Variants in CCDC91 observed in about 807,000 individuals in gnomAD.
CCDC91 encodes the protein coiled-coil domain-containing protein 91.
A neutral mutation model predicts 63.2 loss-of-function variants in CCDC91; 48 were observed. That is an observed-to-expected ratio of 0.76 (90% CI 0.60 to 0.97). The LOEUF (loss-of-function observed/expected upper bound fraction) is 0.97, where lower values mean the gene tolerates loss of function less well. Among genes scored for constraint, CCDC91 ranks in the 50% least tolerant of loss-of-function variants. The probability of loss-of-function intolerance (pLI) is 0.00; values close to 1 mark genes in which losing one functional copy is unlikely to be tolerated. For synonymous variants in CCDC91, 167 were observed against 165.8 expected, an observed-to-expected ratio of 1.01 and a Z score of -0.06; for missense variants, 500 against 494.6, an observed-to-expected ratio of 1.01 and a Z score of -0.10.
At chr12:28,538,441 A>G (rs1395535817) in intron 12 of CCDC91, among the ~76,000 whole-genome samples, 3 of 151,736 alleles carry the variant, frequency 2.0e-5, no homozygotes, top group African/African-American at 7.3e-5. Context: ...TGAACTCATC[A>G]TTTTTTATGG....
chr12:28,247,897 A>G (rs1277140262), intron 1 of CCDC91, among the ~76,000 whole-genome samples: 2 of 152,136 alleles, frequency 1.3e-5, no homozygotes, highest in Non-Finnish European at 2.9e-5. Context: ...GATCCCTCAT[A>G]TGCACAGTTC....
intron 11 of CCDC91, among the ~76,000 whole-genome samples, chr12:28,474,502 GGTCTACATAAATGGT>G (rs1267583920): frequency 6.6e-6 from 1 of 151,886 alleles, no homozygotes; most frequent in Non-Finnish European, 1.5e-5. Context: ...GCTGATCCCA[GGTCTACATAAATGGT>G]TGTATTTTAA....
chr12:28,433,511 T>C (rs1306832531), intron 8 of CCDC91, among the ~76,000 whole-genome samples: 1 of 152,006 alleles, frequency 6.6e-6, no homozygotes, highest in African/African-American at 2.4e-5. Context: ...ACTTTTCAAA[T>C]ATCAGTTGAC....
chr12:28,412,479 C>T (rs1267780673), intron 8 of CCDC91, among the ~76,000 whole-genome samples: 2 of 152,166 alleles, frequency 1.3e-5, no homozygotes, highest in African/African-American at 4.8e-5. Context: ...CCCCATCTTT[C>T]ACTCACCATT....
At chr12:28,417,640 T>TATATATATATAC (rs57507827) in intron 8 of CCDC91, among the ~76,000 whole-genome samples, 13 of 112,148 alleles carry the variant, frequency 1.2e-4, no homozygotes, top group South Asian at 2.6e-4. Context: ...TATATATATA[T>TATATATATATAC]ACACACACAC....
intron 1 of CCDC91, among the ~76,000 whole-genome samples, chr12:28,225,312 T>C (rs960895095): frequency 1.3e-5 from 2 of 152,230 alleles, no homozygotes; most frequent in African/African-American, 4.8e-5. Context: ...GGAAATTGTA[T>C]GGCCCTTATT....
At chr12:28,450,739 T>G (rs1399411676) in intron 10 of CCDC91, among the ~76,000 whole-genome samples, 2 of 151,760 alleles carry the variant, frequency 1.3e-5, no homozygotes, top group Admixed American at 1.3e-4. Context: ...TGTATCAAGG[T>G]AAGTAATTTT....
At chr12:28,469,435 G>A (rs1417927807) in intron 11 of CCDC91, among the ~76,000 whole-genome samples, 1 of 151,850 alleles carries the variant, frequency 6.6e-6, no homozygotes, top group Admixed American at 6.6e-5. Context: ...AGAAATTGAA[G>A]AGGACACCAA....
At chr12:28,273,047 T>C (rs1291343291) in intron 3 of CCDC91, among the ~76,000 whole-genome samples, 1 of 139,174 alleles carries the variant, frequency 7.2e-6, no homozygotes, top group Non-Finnish European at 1.5e-5. Context: ...TGCCCATGTG[T>C]TCTCATTGTT....
intron 6 of CCDC91, among the ~76,000 whole-genome samples, chr12:28,348,874 C>T (rs1942997117): frequency 1.3e-5 from 2 of 152,080 alleles, no homozygotes; most frequent in South Asian, 4.1e-4. Context: ...CAGGTGTGCG[C>T]CACCGTGTCT....
chr12:28,204,262 A>C (rs1178068799), intron 1 of CCDC91, among the ~76,000 whole-genome samples: 7 of 152,184 alleles, frequency 4.6e-5, no homozygotes, highest in Non-Finnish European at 1.0e-4. Context: ...ATATGAATAT[A>C]TGTGAGTTTT....
At chr12:28,292,902 G>T (rs1009761770) in intron 3 of CCDC91, among the ~76,000 whole-genome samples, 5 of 152,116 alleles carry the variant, frequency 3.3e-5, no homozygotes, top group Admixed American at 6.5e-5. Context: ...TACGTTGTGT[G>T]TACTCTGGAA....
intron 8 of CCDC91, among the ~76,000 whole-genome samples, chr12:28,415,145 A>T (rs1231496702): frequency 6.6e-6 from 1 of 151,450 alleles, no homozygotes; most frequent in South Asian, 2.1e-4. Flanking sequence ...TCTATTTTTA[A>T]TTTTTTTCTA....
Position 28,275,810 on chromosome 12 carries a change from T to G in CCDC91, c.109+16368T>G, listed in dbSNP as rs372115165. ...GCTTCATCCCTGGGATGCAAGGCTG[T>G]TTCAACATATGCAAATCAATAAACG... On this transcript the variant is annotated intron_variant, in intron 3 of 12. Transcript: ENST00000536442. Among the ~76,000 whole-genome samples, 15 of 152,146 alleles carry G rather than the reference T, an allele frequency of 9.9e-5. No homozygotes were observed. In the East Asian group the frequency reaches 2.5e-3, roughly 25 times the overall value.
intron 6 of CCDC91, among the ~76,000 whole-genome samples, chr12:28,324,130 A>G (rs575572496): frequency 6.6e-6 from 1 of 152,026 alleles, no homozygotes; most frequent in South Asian, 2.1e-4. Context: ...GTAAAGAAAT[A>G]CAAATAAAGT....
chr12:28,195,016 G>A (rs978505932), intron 1 of CCDC91, among the ~76,000 whole-genome samples: 7 of 152,196 alleles, frequency 4.6e-5, no homozygotes, highest in African/African-American at 1.7e-4. Context: ...TCCACAGCAT[G>A]GAAGGGGACC....
intron 3 of CCDC91, among the ~76,000 whole-genome samples, chr12:28,286,361 C>T (rs1371838849): frequency 6.6e-6 from 1 of 152,122 alleles, no homozygotes; most frequent in African/African-American, 2.4e-5. Flanking sequence ...TCTTCTCCCT[C>T]CTCCCACCCT....
intron 11 of CCDC91, among the ~76,000 whole-genome samples, chr12:28,459,595 G>T (rs775761427): frequency 1.1e-4 from 17 of 151,798 alleles, no homozygotes; most frequent in Non-Finnish European, 2.1e-4. Context: ...ATGCCAAACT[G>T]AACTGATTCT....
intron 6 of CCDC91, among the ~76,000 whole-genome samples, chr12:28,336,914 A>G (rs1487042869): frequency 6.9e-6 from 1 of 144,468 alleles, no homozygotes; most frequent in Non-Finnish European, 1.6e-5. Context: ...TATTACATGT[A>G]ATTTTCACTT....
Sources: allele counts gnomAD v4.1 joint callset (sites outside exome capture counted in the v4.1 genomes callset), GRCh38; gene constraint gnomAD v4.1.1; transcripts MANE v1.5; gene names NCBI Gene and HGNC (gene_info 2026-07-23, HGNC 2026-07-21).